PHACTR3: variants seen among roughly 807,000 people sequenced by gnomAD.
The protein encoded by PHACTR3 is phosphatase and actin regulator 3, also known as protein phosphatase 1, regulatory subunit 123.
In PHACTR3, 16 loss-of-function variants were observed where a neutral mutation model predicts 66.8. That is an observed-to-expected ratio of 0.24 (90% confidence interval 0.16 to 0.36). The LOEUF (loss-of-function observed/expected upper bound fraction) is 0.36, where lower values mean the gene tolerates loss of function less well. Among genes scored for constraint, PHACTR3 ranks in the 10% least tolerant of loss-of-function variants. The pLI is 1.00. For synonymous variants in PHACTR3, 323 were observed against 292.1 expected (o/e 1.11, Z -1.08); for missense variants, 647 against 719.9 (o/e 0.90, Z 1.16).
intron 1 of PHACTR3, among the ~76,000 whole-genome samples, chr20:59,647,338 C>T (rs1197181779): frequency 6.6e-6 from 1 of 152,162 alleles, no homozygotes; most frequent in African/African-American, 2.4e-5. Flanking sequence ...CTGGCCCCAC[C>T]CTTGACATGT....
chr20:59,685,605 A>T (rs2036834492), intron 1 of PHACTR3, among the ~76,000 whole-genome samples: 1 of 151,948 alleles, frequency 6.6e-6, no homozygotes, highest in Admixed American at 6.6e-5. Flanking sequence ...AGTTCCGGCC[A>T]CTCTGGCCTC....
intron 7 of PHACTR3, among the ~76,000 whole-genome samples, chr20:59,782,252 T>C (rs1362710129): frequency 6.6e-6 from 1 of 152,152 alleles, no homozygotes; most frequent in African/African-American, 2.4e-5. Context: ...TTGCTTTGTT[T>C]TTTGTTTTGT....
chr20:59,749,237 T>G (rs2039488795), intron 3 of PHACTR3, among the ~76,000 whole-genome samples: 1 of 152,146 alleles, frequency 6.6e-6, no homozygotes, highest in African/African-American at 2.4e-5. Flanking sequence ...CAAGCATACC[T>G]TTGGATCTTA....
In PHACTR3 at chr20:59,818,847, C is replaced by A. The variant is rs58990846; in HGVS notation, c.1328+12653C>A. 3.0e-3 allele frequency among the ~76,000 whole-genome samples: 459 copies of A among 152,286 alleles called. 3 individuals carry two copies. Among genetic ancestry groups the A allele is most frequent in the African/African-American group, 0.011 (437 of 41,540 alleles). ...ACTGCTTGTTTATCATCATCTTTGT[C>A]ATTTTCATCTTTTTCTTCCTCATTA... On this transcript the variant is annotated intron_variant, in intron 8 of 12. Transcript: ENST00000371015.
At chr20:59,708,148 G>T (rs1201928526) in intron 1 of PHACTR3, among the ~76,000 whole-genome samples, 3 of 152,174 alleles carry the variant, frequency 2.0e-5, no homozygotes, top group Non-Finnish European at 2.9e-5. Context: ...GGTCACTGGG[G>T]TGACAGATGG....
chr20:59,651,476 ATGGAAGGAAATC>A (rs2035457224), intron 1 of PHACTR3, among the ~76,000 whole-genome samples: 1 of 152,214 alleles, frequency 6.6e-6, no homozygotes, highest in Non-Finnish European at 1.5e-5. Context: ...TATGAACCTT[ATGGAAGGAAATC>A]TGGCTATATT....
At chr20:59,844,122 A>G (rs973097622) in intron 11 of PHACTR3, 21 of 152,146 alleles carry the variant, frequency 1.4e-4, no homozygotes, top group Admixed American at 5.9e-4. Flanking sequence ...CCACGATGAG[A>G]TATCATCTTA....
chr20:59,833,086 TAG>T (rs2042432285), intron 8 of PHACTR3, among the ~76,000 whole-genome samples: 1 of 152,116 alleles, frequency 6.6e-6, no homozygotes, highest in Non-Finnish European at 1.5e-5. Context: ...ACTCTGTAAG[TAG>T]AGAGGCAGGT....
chr20:59,727,089 C>G (rs2038592452), intron 1 of PHACTR3, among the ~76,000 whole-genome samples: 1 of 152,138 alleles, frequency 6.6e-6, no homozygotes, highest in Non-Finnish European at 1.5e-5. Flanking sequence ...CCTCATTCTC[C>G]CCTCCTCCAA....
intron 1 of PHACTR3, among the ~76,000 whole-genome samples, chr20:59,658,031 C>A (rs961538347): frequency 3.9e-5 from 6 of 152,256 alleles, no homozygotes; most frequent in African/African-American, 1.4e-4. Context: ...ATTGAATAAT[C>A]TCTGACTGTC....
chr20:59,705,347 T>G (rs1223846258), intron 1 of PHACTR3, among the ~76,000 whole-genome samples: 2 of 152,218 alleles, frequency 1.3e-5, no homozygotes, highest in African/African-American at 4.8e-5. Context: ...ACGAGTTTTA[T>G]TTCTATGTGT....
At chr20:59,744,490 G>A (rs951220895) in intron 2 of PHACTR3, among the ~76,000 whole-genome samples, 1 of 152,210 alleles carries the variant, frequency 6.6e-6, no homozygotes, top group Non-Finnish European at 1.5e-5. Flanking sequence ...GTCTCAGGCT[G>A]TTGCCTCGGG....
chr20:59,774,582 G>A (rs2040463205), intron 7 of PHACTR3, 92 bp downstream of exon 7: 14 of 1,504,888 alleles, frequency 9.3e-6, no homozygotes, highest in Middle Eastern at 2.3e-4. Flanking sequence ...CCTGGGGGAG[G>A]AACAGGTCGA....
intron 5 of PHACTR3, among the ~76,000 whole-genome samples, chr20:59,768,322 G>A (rs74699760): frequency 0.012 from 1,828 of 152,308 alleles, 18 homozygotes; most frequent in Middle Eastern, 0.051. Flanking sequence ...CGTGAAACAT[G>A]ATGCATAGCA....
At chr20:59,760,327 T>C (rs1263056689) in intron 4 of PHACTR3, among the ~76,000 whole-genome samples, 2 of 152,192 alleles carry the variant, frequency 1.3e-5, no homozygotes, top group Admixed American at 6.5e-5. Context: ...ACTTTGCTTT[T>C]CCTGGTTTTG....
chr20:59,619,311 G>A (rs1318239050), intron 1 of PHACTR3, among the ~76,000 whole-genome samples: 2 of 152,156 alleles, frequency 1.3e-5, no homozygotes, highest in African/African-American at 2.4e-5. Context: ...GAGACTGGAA[G>A]CACAGGATGG....
At position 59,773,466 on chromosome 20, in the gene PHACTR3, C is replaced by T. The variant is rs1474046383; in HGVS notation, c.926+13C>T. 3 of 1,591,654 alleles carry T rather than the reference C, an allele frequency of 1.9e-6. No individual in the cohort carries two copies. Among genetic ancestry groups the T allele is most frequent in the South Asian group, 2.3e-5 (2 of 88,716 alleles). ...ACCGCCAGGACAGGTGAGGCCCTGC[C>T]CCATGAGGGAGACCTGTGCTGCCAG... On this transcript the variant is annotated intron_variant, in intron 6 of 12. Transcript: ENST00000371015.
upstream of PHACTR3, among the ~76,000 whole-genome samples, chr20:59,601,060 CA>C: frequency 6.6e-6 from 1 of 151,910 alleles, no homozygotes; most frequent in Non-Finnish European, 1.5e-5. Context: ...AAACCATCAC[CA>C]TAATCTAATT....
At chr20:59,732,319 G>A (rs191317695) in intron 1 of PHACTR3, among the ~76,000 whole-genome samples, 70 of 152,306 alleles carry the variant, frequency 4.6e-4, no homozygotes, top group African/African-American at 1.5e-3. Flanking sequence ...GAGTGCTTTC[G>A]TGCTCTGAGC....
Sources: gnomAD v4.1 joint callset for allele counts (sites outside exome capture counted in the v4.1 genomes callset) on GRCh38, gnomAD v4.1.1 for gene constraint, MANE v1.5 for transcripts, NCBI Gene and HGNC (gene_info 2026-07-23, HGNC 2026-07-21) for gene names.